The following NOX5 variants were observed in gnomAD, a reference collection of about 807,000 sequenced individuals.
The protein encoded by NOX5 is NADPH oxidase 5.
A neutral mutation model predicts 85.7 loss-of-function variants in NOX5; 76 were observed. The observed-to-expected ratio is 0.89, with a 90% CI of 0.74 to 1.07. The LOEUF (loss-of-function observed/expected upper bound fraction) is 1.07, where lower values mean the gene tolerates loss of function less well. Ranked by LOEUF, NOX5 falls within the 50% of genes least tolerant of loss-of-function variation. NOX5 has a pLI of 0.00. For synonymous variants in NOX5, 405 were observed against 401.4 expected (o/e 1.01, Z -0.11); for missense variants, 973 against 999.5 (o/e 0.97, Z 0.36).
At chr15:69,036,135 C>T (rs773356718) in intron 7 of NOX5, among the ~76,000 whole-genome samples, 199 bp downstream of exon 7, 10 of 152,164 alleles carry the variant, frequency 6.6e-5, no homozygotes, top group Non-Finnish European at 1.0e-4. Flanking sequence ...TGTTTTGCTG[C>T]GGAAGAGTCT....
chr15:69,031,386 T>C (rs1170035042), intron 3 of NOX5, 132 bp from the exon 4 acceptor site: 1 of 1,034,408 alleles, frequency 9.7e-7, no homozygotes, highest in African/African-American at 1.6e-5. Flanking sequence ...AGCTAGGCAG[T>C]CGGGAACATG....
chr15:69,041,367 G>A (rs372363715), intron 9 of NOX5, among the ~76,000 whole-genome samples: 1 of 152,200 alleles, frequency 6.6e-6, no homozygotes, highest in African/African-American at 2.4e-5. Context: ...CTAAGCCTCT[G>A]TAAAATGCAG....
At chr15:69,034,104 A>G (rs1020219183) in intron 5 of NOX5, among the ~76,000 whole-genome samples, 1 of 152,216 alleles carries the variant, frequency 6.6e-6, no homozygotes, top group Non-Finnish European at 1.5e-5. Flanking sequence ...AAGTAACTAC[A>G]GGGGAAGATT....
intron 3 of NOX5, 161 bp downstream of exon 3, chr15:69,028,526 T>G (rs147006179): frequency 1.8e-6 from 1 of 549,534 alleles, no homozygotes; most frequent in Non-Finnish European, 3.0e-6. Context: ...TTTCCTCACA[T>G]CTCTCTCCCA....
intron 2 of NOX5, 93 bp from the exon 3 acceptor site, chr15:69,028,122 A>G: frequency 7.3e-7 from 1 of 1,376,498 alleles, no homozygotes; most frequent in East Asian, 2.5e-5. Flanking sequence ...GCACCCCCCC[A>G]CCACCACCCC....
At chr15:69,036,026 A>G in intron 7 of NOX5, 90 bp downstream of exon 7, 3 of 1,549,926 alleles carry the variant, frequency 1.9e-6, no homozygotes, top group Non-Finnish European at 1.7e-6. Flanking sequence ...TCCAGAGCCC[A>G]GGAAGGTCCC....
intron 2 of NOX5, 123 bp downstream of exon 2, chr15:69,026,774 G>A (rs1043652148): frequency 1.8e-5 from 24 of 1,336,084 alleles, no homozygotes; most frequent in Middle Eastern, 2.3e-4. Context: ...ACCTTGTAGC[G>A]GGCTGGCGGG....
intron 1 of NOX5, chr15:69,022,985 C>A (rs1269321011): frequency 5.9e-6 from 3 of 510,990 alleles, no homozygotes; most frequent in Non-Finnish European, 1.2e-5. Context: ...TGTTTGATAG[C>A]CTCACCTTAA....
chr15:69,020,004 A>G (rs1197042137), intron 1 of NOX5, among the ~76,000 whole-genome samples: 1 of 152,220 alleles, frequency 6.6e-6, no homozygotes, highest in Admixed American at 6.5e-5. Context: ...TTATCAACCA[A>G]TATAAGTTCT....
intron 5 of NOX5, 89 bp from the exon 6 acceptor site, chr15:69,035,265 A>C: frequency 7.1e-7 from 1 of 1,410,350 alleles, no homozygotes; most frequent in Non-Finnish European, 9.6e-7. Flanking sequence ...AAGCACAGCT[A>C]GCTCAGGAGG....
intron 14 of NOX5, among the ~76,000 whole-genome samples, chr15:69,053,518 G>A (rs2050774734): frequency 6.6e-6 from 1 of 152,196 alleles, no homozygotes; most frequent in Non-Finnish European, 1.5e-5. Context: ...ATAGTTAGTG[G>A]TTATACCGTA....
At chr15:69,029,940 A>C (rs1415891666) in intron 3 of NOX5, 1 of 152,244 alleles carries the variant, frequency 6.6e-6, no homozygotes, top group African/African-American at 2.4e-5. Flanking sequence ...TGGCCTCCCA[A>C]AGTGCTGGGA....
chr15:69,036,805 A>G (rs1324694635), intron 7 of NOX5, among the ~76,000 whole-genome samples: 1 of 152,136 alleles, frequency 6.6e-6, no homozygotes, highest in Admixed American at 6.5e-5. Flanking sequence ...CAGATATTTC[A>G]GATGTTTGCC....
intron 10 of NOX5, among the ~76,000 whole-genome samples, chr15:69,043,907 C>T (rs148155571): frequency 6.5e-4 from 99 of 152,220 alleles, no homozygotes; most frequent in African/African-American, 2.2e-3. Context: ...AATTGGGGGC[C>T]GGGCACGGTG....
chr15:69,031,993 A>G (rs569529043), intron 4 of NOX5, among the ~76,000 whole-genome samples, 181 bp downstream of exon 4: 96 of 150,068 alleles, frequency 6.4e-4, no homozygotes, highest in Non-Finnish European at 9.5e-4. Flanking sequence ...CACTTCCTGC[A>G]GTGTCTCTGC....
intron 1 of NOX5, among the ~76,000 whole-genome samples, chr15:69,021,401 T>C (rs1477322866): frequency 2.7e-5 from 4 of 150,224 alleles, no homozygotes; most frequent in Non-Finnish European, 4.4e-5. Context: ...CACTGCAACC[T>C]CTGCCTCCTG....
intron 8 of NOX5, among the ~76,000 whole-genome samples, chr15:69,038,626 G>T (rs920335747): frequency 2.6e-5 from 4 of 152,086 alleles, no homozygotes; most frequent in Non-Finnish European, 4.4e-5. Context: ...AAAACCAGGG[G>T]CCCCAATTCA....
chr15:69,016,331 G>T (rs2140241975), intron 1 of NOX5, among the ~76,000 whole-genome samples: 1 of 152,328 alleles, frequency 6.6e-6, no homozygotes, highest in African/African-American at 2.4e-5. Context: ...AGTGAGTTGG[G>T]CCCTGGGAGC....
chr15:69,031,373 T>C (rs2050426519), intron 3 of NOX5, 145 bp from the exon 4 acceptor site: 2 of 900,270 alleles, frequency 2.2e-6, no homozygotes, highest in African/African-American at 3.3e-5. Context: ...TCCATTGCTG[T>C]TGAGCTAGGC....
Sources: gnomAD v4.1 joint callset for allele counts (sites outside exome capture counted in the v4.1 genomes callset) on GRCh38, gnomAD v4.1.1 for gene constraint, MANE v1.5 for transcripts, NCBI Gene and HGNC (gene_info 2026-07-23, HGNC 2026-07-21) for gene names.